ENTREP2: variants seen among roughly 807,000 people sequenced by gnomAD.
The protein encoded by ENTREP2 is endosomal transmembrane epsin interactor 2.
the ENTREP2 span, among the ~76,000 whole-genome samples, chr15:29,320,124 G>A: frequency 6.6e-6 from 1 of 152,308 alleles, no homozygotes; most frequent in East Asian, 1.9e-4. Context: ...TAAAAGGCTA[G>A]AAACGCTTGT....
chr15:29,655,720 T>C, the ENTREP2 span, among the ~76,000 whole-genome samples: 3 of 151,328 alleles, frequency 2.0e-5, no homozygotes, highest in Admixed American at 2.0e-4. Context: ...ATGCTAGAAT[T>C]AAAAAACAAA....
the ENTREP2 span, among the ~76,000 whole-genome samples, chr15:29,219,614 AATATATATATATATAT>A: frequency 7.7e-3 from 297 of 38,400 alleles, 4 homozygotes; most frequent in South Asian, 0.033. Context: ...GTGGTGCATA[AATATATATATATATAT>A]ATATATATAT....
the ENTREP2 span, among the ~76,000 whole-genome samples, chr15:29,537,883 C>T: frequency 0.012 from 1,825 of 152,194 alleles, 30 homozygotes; most frequent in African/African-American, 0.041. Context: ...CAACCCAAGG[C>T]GGTTCCTGCC....
the ENTREP2 span, among the ~76,000 whole-genome samples, chr15:29,543,808 T>C: frequency 4.6e-5 from 7 of 151,806 alleles, no homozygotes; most frequent in Admixed American, 6.6e-5. Flanking sequence ...CAAAAAACTT[T>C]TTCAAACCCA....
chr15:29,429,627 T>C, the ENTREP2 span, among the ~76,000 whole-genome samples: 27,664 of 152,312 alleles, frequency 0.18, 3,087 homozygotes, highest in Middle Eastern at 0.37. Flanking sequence ...CCTGCTTTGC[T>C]GGTTGCAGTC....
the ENTREP2 span, among the ~76,000 whole-genome samples, chr15:29,407,302 G>A: frequency 6.6e-6 from 1 of 152,110 alleles, no homozygotes; most frequent in Non-Finnish European, 1.5e-5. Flanking sequence ...GTAAAAACAT[G>A]GTATTAGAAT....
chr15:29,471,691 A>G, the ENTREP2 span, among the ~76,000 whole-genome samples: 2 of 151,298 alleles, frequency 1.3e-5, no homozygotes, highest in South Asian at 4.2e-4. Flanking sequence ...TAAGCCCCGC[A>G]CCCGCCAGTA....
At chr15:29,577,127 A>AT in the ENTREP2 span, among the ~76,000 whole-genome samples, 1 of 152,012 alleles carries the variant, frequency 6.6e-6, no homozygotes, top group Admixed American at 6.6e-5. Context: ...TTTAAAAAAA[A>AT]AAAGAAAGAA....
At chr15:29,157,985 G>C in the ENTREP2 span, among the ~76,000 whole-genome samples, 3 of 151,870 alleles carry the variant, frequency 2.0e-5, no homozygotes, top group African/African-American at 7.2e-5. Context: ...CCAAAGTGCT[G>C]GGATTATAGA....
the ENTREP2 span, among the ~76,000 whole-genome samples, chr15:29,493,059 T>TA: frequency 6.6e-6 from 1 of 150,630 alleles, no homozygotes; most frequent in Non-Finnish European, 1.5e-5. Context: ...TGACTTCAGT[T>TA]AAAATCCTAA....
chr15:29,667,910 C>T, the ENTREP2 span, among the ~76,000 whole-genome samples: 1 of 152,094 alleles, frequency 6.6e-6, no homozygotes, highest in African/African-American at 2.4e-5. Context: ...CACCCCATGT[C>T]ATTTTCCACT....
the ENTREP2 span, among the ~76,000 whole-genome samples, chr15:29,596,434 A>T: frequency 6.6e-6 from 1 of 152,086 alleles, no homozygotes; most frequent in Non-Finnish European, 1.5e-5. Context: ...GTATACGTGT[A>T]CGGTGGTTTC....
the ENTREP2 span, among the ~76,000 whole-genome samples, chr15:29,245,794 G>T: frequency 6.7e-3 from 1,023 of 152,214 alleles, 15 homozygotes; most frequent in African/African-American, 0.024. Context: ...GTACAATTTT[G>T]TCAGATTGGT....
chr15:29,352,646 G>A, the ENTREP2 span, among the ~76,000 whole-genome samples: 2 of 152,092 alleles, frequency 1.3e-5, no homozygotes, highest in African/African-American at 4.8e-5. Flanking sequence ...ACACTGATGA[G>A]CCTGTCCTTC....
At chr15:29,285,774 C>T in the ENTREP2 span, among the ~76,000 whole-genome samples, 2 of 152,044 alleles carry the variant, frequency 1.3e-5, no homozygotes, top group African/African-American at 2.4e-5. Flanking sequence ...AGATGAAAGA[C>T]CAATCTCTCT....
At chr15:29,381,143 A>C in the ENTREP2 span, among the ~76,000 whole-genome samples, 1 of 136,134 alleles carries the variant, frequency 7.3e-6, no homozygotes, top group Non-Finnish European at 1.6e-5. Flanking sequence ...AGCTGCGCCA[A>C]GCCGCATCCA....
chr15:29,133,998 C>T, the ENTREP2 span, among the ~76,000 whole-genome samples: 1 of 152,142 alleles, frequency 6.6e-6, no homozygotes, highest in Admixed American at 6.5e-5. Flanking sequence ...CCACTCCCTG[C>T]ACCTCGCATG....
the ENTREP2 span, among the ~76,000 whole-genome samples, chr15:29,657,134 G>A: frequency 1.3e-5 from 2 of 151,950 alleles, no homozygotes; most frequent in African/African-American, 4.8e-5. Flanking sequence ...TGCAAGCTCC[G>A]CCTCCCCCGT....
At chr15:29,483,542 A>G in the ENTREP2 span, among the ~76,000 whole-genome samples, 4 of 152,252 alleles carry the variant, frequency 2.6e-5, no homozygotes, top group Non-Finnish European at 5.9e-5. Flanking sequence ...TAGCTGTTCC[A>G]GCCCCATCTG....
Sources: gnomAD v4.1 joint callset for allele counts (sites outside exome capture counted in the v4.1 genomes callset) on GRCh38, gnomAD v4.1.1 for gene constraint, MANE v1.5 for transcripts, NCBI Gene and HGNC (gene_info 2026-07-23, HGNC 2026-07-21) for gene names.